The following DGKZ variants were observed in gnomAD, a reference collection of about 807,000 sequenced individuals.
The protein encoded by DGKZ is DAG kinase zeta.
Under a neutral mutation model 142.5 loss-of-function variants are expected in DGKZ, and 45 were observed. The observed-to-expected ratio is 0.32, with a 90% confidence interval of 0.25 to 0.40. The LOEUF is 0.40. Among genes scored for constraint, DGKZ ranks in the 10% least tolerant of loss-of-function variants. The pLI is 1.00. For synonymous variants in DGKZ, 442 were observed against 527.0 expected (o/e 0.84, Z 2.21); for missense variants, 755 against 1,306.5 (o/e 0.58, Z 6.51).
chr11:46,367,313 C>G lies in DGKZ; in HGVS notation c.184C>G (p.Leu62Val), dbSNP rs554583193. The G allele has an allele frequency of 4.3e-6, 7 of 1,612,404 alleles. No individual in the cohort carries two copies. The highest frequency in any genetic ancestry group is 3.3e-5 in the Admixed American group (2 of 59,998). ...TAGGAAAGCCATCACCAAGTCGGGC[C>G]TCCAGCACCTGGCCCCCCCTCCGCC... is the stretch of plus-strand genomic sequence containing the variant. The change falls in exon 2 of 31, where the codon CTC becomes GTC. Residue 62 changes from leucine to valine, a missense_variant. Physicochemically the swap from Leu to Val is conservative, Grantham distance 32 (BLOSUM62 1). Coordinates refer to ENST00000527911, the Ensembl canonical transcript of DGKZ. The surrounding 1 kb of genome is among the most constrained non-coding windows in gnomAD (Gnocchi z 4.1).
intron 25 of DGKZ, chr11:46,377,582 A>G (rs1258461717): frequency 3.5e-6 from 1 of 285,072 alleles, no homozygotes; most frequent in East Asian, 7.4e-5. Context: ...CCCCATCTCC[A>G]TACCACGGTC....
chr11:46,347,465 C>A lies in DGKZ; in HGVS notation c.-195C>A. 1.0e-6 allele frequency: 1 copy of A among 982,486 alleles called. No homozygotes were observed. Among genetic ancestry groups the A allele is most frequent in the Non-Finnish European group, 1.2e-6 (1 of 828,804 alleles). The allele number at this position is 982,486 out of a possible 1,614,324, so 60.9% of individuals were successfully genotyped here. ...GGGGTCCTGCGGCCGCGGCTGGCGG[C>A]ACTTCCTGGAGCGGCGGCGGCAGCG... On this transcript the variant is annotated 5_prime_UTR_variant, in exon 1 of 31. Coordinates refer to ENST00000527911, the Ensembl canonical transcript of DGKZ. This position sits in a 1 kb window ranked among gnomAD's most constrained non-coding sequence, Gnocchi z 6.4.
intron 1 of DGKZ, among the ~76,000 whole-genome samples, chr11:46,333,779 T>A (rs1939879823): frequency 6.6e-6 from 1 of 152,076 alleles, no homozygotes; most frequent in African/African-American, 2.4e-5. Context: ...CAAACCTCTA[T>A]CTGCTGGGGA....
intron 1 of DGKZ, chr11:46,365,167 G>A: frequency 2.0e-6 from 2 of 985,444 alleles, no homozygotes; most frequent in Non-Finnish European, 2.4e-6. Flanking sequence ...CCAGGTGGGA[G>A]CTAGGATGAT....
chr11:46,377,627 A>C, intron 25 of DGKZ: 1 of 235,396 alleles, frequency 4.2e-6, no homozygotes, highest in Non-Finnish European at 8.3e-6. Context: ...GCCACTCCCC[A>C]ACCTAGAAGC....
rs901043380 is a variant in DGKZ at position 46,365,265 on chromosome 11, C to T, written c.162-2026C>T. ...GTATGGGGGCTTCCAGCATCAGGGC[C>T]GCAGAAGAATGTGCAGTCACAGGCT... On this transcript the variant is annotated intron_variant, in intron 1 of 30. Coordinates refer to ENST00000527911, the Ensembl canonical transcript of DGKZ. 9 of 985,236 alleles carry T rather than the reference C, an allele frequency of 9.1e-6. No homozygotes were observed. In the African/African-American group the frequency reaches 1.2e-4, roughly 13 times the overall value. The allele number at this position is 985,236 out of a possible 1,614,324, so 61.0% of individuals were successfully genotyped here.
rs759436709 is a variant in DGKZ at position 46,378,160 on chromosome 11, T to C, written c.2343-38T>C. 6 of 1,598,394 alleles carry C rather than the reference T, an allele frequency of 3.8e-6. No homozygotes were observed. In the African/African-American group the frequency reaches 4.0e-5, roughly 11 times the overall value. ...TTGGGGAGGGCGACCAGCTGGCCTG[T>C]GCCGTAGCCGGTCACAGCACATCAT... is the stretch of plus-strand genomic sequence containing the variant. On this transcript the variant is annotated intron_variant, in intron 25 of 30. Coordinates refer to ENST00000527911, the Ensembl canonical transcript of DGKZ.
chr11:46,378,614 T>A, intron 27 of DGKZ, 114 bp downstream of exon 27: 1 of 1,393,564 alleles, frequency 7.2e-7, no homozygotes, highest in Non-Finnish European at 1.0e-6. Context: ...TCTGTCATCG[T>A]CTGGCCCTCT....
chr11:46,378,671 C>A, intron 27 of DGKZ, 171 bp downstream of exon 27: 1 of 979,548 alleles, frequency 1.0e-6, no homozygotes, highest in Non-Finnish European at 1.6e-6. Context: ...GTATCTCTGT[C>A]TAGGCCACAA....
At chr11:46,363,108 C>T (rs1385376593) in intron 1 of DGKZ, among the ~76,000 whole-genome samples, 1 of 152,170 alleles carries the variant, frequency 6.6e-6, no homozygotes, top group African/African-American at 2.4e-5. Context: ...ACCAAGAGCA[C>T]GAGGTGAGAA....
intron 1 of DGKZ, among the ~76,000 whole-genome samples, chr11:46,341,346 T>A (rs1287711742): frequency 6.6e-6 from 1 of 152,156 alleles, no homozygotes; most frequent in Non-Finnish European, 1.5e-5. Context: ...CAAGACTAAG[T>A]GCACAAAAAG....
At chr11:46,349,217 A>G (rs876701) in intron 1 of DGKZ, among the ~76,000 whole-genome samples, 29,384 of 152,212 alleles carry the variant, frequency 0.19, 3,235 homozygotes, top group African/African-American at 0.29. Flanking sequence ...TCAATGTCAT[A>G]TAAAACAGAG....
intron 5 of DGKZ, 155 bp from the exon 6 acceptor site, chr11:46,369,786 C>A: frequency 1.1e-6 from 1 of 928,482 alleles, no homozygotes. Context: ...TGAGCCTCCC[C>A]CAGGCCATGA....
chr11:46,371,867 C>G, intron 9 of DGKZ, 92 bp downstream of exon 9: 1 of 1,458,736 alleles, frequency 6.9e-7, no homozygotes. Flanking sequence ...CTAATGCTGC[C>G]AGCTGGTGGG....
chr11:46,364,402 T>G (rs1427779366), intron 1 of DGKZ: 1 of 1,288,998 alleles, frequency 7.8e-7, no homozygotes, highest in Non-Finnish European at 1.0e-6. Context: ...CTGGTGATTT[T>G]GGGGGAGACC....
chr11:46,376,552 C>T (rs752628061), exon 24 of DGKZ: 13 of 1,613,598 alleles, frequency 8.1e-6, no homozygotes, highest in Middle Eastern at 3.3e-4. Flanking sequence ...TCTACAGGAT[C>T]GACCGAGCCC....
upstream of DGKZ, chr11:46,345,347 G>C: frequency 7.2e-7 from 1 of 1,388,990 alleles, no homozygotes; most frequent in South Asian, 1.6e-5. This position sits in a 1 kb window ranked among gnomAD's most constrained non-coding sequence, Gnocchi z 4.1. Flanking sequence ...CCTCTAGCAG[G>C]CCCCCCCCTC....
At chr11:46,376,869 C>A in intron 24 of DGKZ, 2 of 641,946 alleles carry the variant, frequency 3.1e-6, no homozygotes, top group Non-Finnish European at 5.5e-6. Flanking sequence ...GGTCAGGCGC[C>A]AGCTCACCTG....
At chr11:46,357,642 G>A (rs754311508) in intron 1 of DGKZ, among the ~76,000 whole-genome samples, 1 of 152,248 alleles carries the variant, frequency 6.6e-6, no homozygotes, top group Non-Finnish European at 1.5e-5. Flanking sequence ...GCACCATGCC[G>A]GGCATGCCCA....
Sources: gnomAD v4.1 joint callset for allele counts (sites outside exome capture counted in the v4.1 genomes callset) on GRCh38, gnomAD v4.1.1 for gene constraint, Gnocchi (gnomAD v3.1) non-coding constraint, MANE v1.5 for transcripts, NCBI Gene and HGNC (gene_info 2026-07-23, HGNC 2026-07-21) for gene names.